Variants in ITSN1 observed in about 807,000 individuals in gnomAD.
The protein encoded by ITSN1 is intersectin-1.
ITSN1 carries 58 observed loss-of-function variants against 239.8 expected under a neutral mutation model. The observed-to-expected ratio is 0.24, with a 90% CI of 0.20 to 0.30. The LOEUF is 0.30. Ranked by LOEUF, ITSN1 falls within the 10% of genes least tolerant of loss-of-function variation. The pLI is 1.00. For missense variants in ITSN1, 1,558 were observed against 2,103.3 expected (o/e 0.74, Z 5.07); for synonymous variants, 780 against 770.8 (o/e 1.01, Z -0.20).
chr21:33,776,427 G>A (rs972857517), intron 14 of ITSN1, among the ~76,000 whole-genome samples: 3 of 151,354 alleles, frequency 2.0e-5, no homozygotes, highest in Non-Finnish European at 4.4e-5. Flanking sequence ...CTGGCATGGG[G>A]GCGTTCACCT....
intron 1 of ITSN1, among the ~76,000 whole-genome samples, chr21:33,676,761 A>G (rs2090618614): frequency 6.6e-6 from 1 of 152,254 alleles, no homozygotes; most frequent in Non-Finnish European, 1.5e-5. Context: ...GAGAAGGCTT[A>G]AAGAGTTTGC....
chr21:33,822,987 G>A (rs992345356), intron 24 of ITSN1, among the ~76,000 whole-genome samples: 3 of 152,180 alleles, frequency 2.0e-5, no homozygotes, highest in South Asian at 2.1e-4. Context: ...TAATTTATGC[G>A]AAGGATATAT....
intron 1 of ITSN1, among the ~76,000 whole-genome samples, chr21:33,710,490 T>C (rs1373880592): frequency 6.6e-6 from 1 of 152,200 alleles, no homozygotes; most frequent in Non-Finnish European, 1.5e-5. Flanking sequence ...TTACATTTTC[T>C]GAATGGTTTA....
intron 39 of ITSN1, among the ~76,000 whole-genome samples, chr21:33,886,887 A>C (rs1985884875): frequency 6.6e-6 from 1 of 152,192 alleles, no homozygotes; most frequent in South Asian, 2.1e-4. Flanking sequence ...TTTTTGTACC[A>C]CTTATTAAGT....
At chr21:33,851,986 C>T (rs918807320) in intron 29 of ITSN1, among the ~76,000 whole-genome samples, 1 of 151,848 alleles carries the variant, frequency 6.6e-6, no homozygotes, top group East Asian at 1.9e-4. Flanking sequence ...GTGTCTCTCA[C>T]TATGTTGCCC....
At chr21:33,808,446 G>A (rs916309167) in intron 20 of ITSN1, among the ~76,000 whole-genome samples, 9 of 152,006 alleles carry the variant, frequency 5.9e-5, no homozygotes, top group Non-Finnish European at 1.2e-4. Context: ...TTAGCCAGGC[G>A]TGGTGGTGGG....
chr21:33,716,788 C>T (rs2065168531), intron 1 of ITSN1, among the ~76,000 whole-genome samples: 1 of 151,562 alleles, frequency 6.6e-6, no homozygotes, highest in Non-Finnish European at 1.5e-5. Context: ...TCCATCTCTA[C>T]TAAAAATACA....
At chr21:33,840,013 T>A (rs2074769373) in intron 29 of ITSN1, among the ~76,000 whole-genome samples, 1 of 152,174 alleles carries the variant, frequency 6.6e-6, no homozygotes, top group African/African-American at 2.4e-5. Flanking sequence ...GTGGTTAATG[T>A]TCACCTGGTT....
intron 6 of ITSN1, among the ~76,000 whole-genome samples, chr21:33,751,286 C>T (rs552028598): frequency 1.3e-5 from 2 of 152,318 alleles, no homozygotes; most frequent in Admixed American, 6.5e-5. Flanking sequence ...CATTTGCCAT[C>T]AGGCAAGAGT....
intron 1 of ITSN1, among the ~76,000 whole-genome samples, chr21:33,711,652 TTGTGTGTGTGTGTGTGTGTG>T (rs58696981): frequency 5.2e-5 from 7 of 134,792 alleles, no homozygotes; most frequent in Non-Finnish European, 1.2e-4. Flanking sequence ...TTTCTGTGTG[TTGTGTGTGTGTGTGTGTGTG>T]TGTGTGTGTG....
At chr21:33,702,835 T>C (rs2146836955) in intron 1 of ITSN1, among the ~76,000 whole-genome samples, 1 of 152,286 alleles carries the variant, frequency 6.6e-6, no homozygotes, top group South Asian at 2.1e-4. Context: ...CCTAGCACTT[T>C]GGGAGGCTGA....
chr21:33,777,249 C>A (rs1200305878), intron 14 of ITSN1, among the ~76,000 whole-genome samples: 1 of 152,070 alleles, frequency 6.6e-6, no homozygotes, highest in Non-Finnish European at 1.5e-5. Context: ...CATTGAGTTA[C>A]CTTGGTAGCT....
chr21:33,643,548 T>G (rs1014262684), intron 1 of ITSN1: 28 of 152,048 alleles, frequency 1.8e-4, no homozygotes, highest in African/African-American at 6.5e-4. Flanking sequence ...GGGCAATCTT[T>G]TGTTGTGATT....
chr21:33,720,137 G>T (rs1370528383), intron 2 of ITSN1, among the ~76,000 whole-genome samples: 1 of 152,136 alleles, frequency 6.6e-6, no homozygotes, highest in Non-Finnish European at 1.5e-5. Flanking sequence ...ATTTCTTCTA[G>T]AAGTTGCAGA....
At chr21:33,660,804 C>T (rs566500978) in intron 1 of ITSN1, among the ~76,000 whole-genome samples, 12 of 152,074 alleles carry the variant, frequency 7.9e-5, no homozygotes, top group Non-Finnish European at 1.6e-4. Flanking sequence ...AACTTTTTAT[C>T]CTCTGTTACA....
At chr21:33,834,691 G>A (rs552295350) in intron 28 of ITSN1, among the ~76,000 whole-genome samples, 1 of 152,242 alleles carries the variant, frequency 6.6e-6, no homozygotes, top group African/African-American at 2.4e-5. Context: ...TGGCATTAAG[G>A]CCACATTTTC....
At chr21:33,732,054 G>A (rs1241600698) in intron 4 of ITSN1, among the ~76,000 whole-genome samples, 1 of 152,178 alleles carries the variant, frequency 6.6e-6, no homozygotes, top group Non-Finnish European at 1.5e-5. Context: ...CAGGTCATAC[G>A]TGGATTCAAG....
intron 1 of ITSN1, among the ~76,000 whole-genome samples, chr21:33,703,841 A>G (rs1206484193): frequency 6.6e-6 from 1 of 152,078 alleles, no homozygotes; most frequent in East Asian, 1.9e-4. Context: ...GACTGTGCCT[A>G]TTTGCCTACT....
rs563403672 is a variant in ITSN1 at position 33,851,815 on chromosome 21, G to A, written c.3662-4921G>A. Among the ~76,000 whole-genome samples the A allele has an allele frequency of 1.0e-4, 11 of 106,794 alleles. No individual in the cohort carries two copies. In the East Asian group the frequency reaches 1.3e-3, roughly 12 times the overall value. 70.1% of individuals were successfully genotyped at this position (106,794 alleles called of 152,430 possible). A position where few individuals can be genotyped will look rare whatever the true frequency, so the allele number is the denominator to read the frequency against. ...TTTTTTTTTCCTGAGACAGGTGCTC[G>A]CTCTGTTGCCCAGGCTGGAGTGCAG... is the stretch of plus-strand genomic sequence containing the variant. On this transcript the variant is annotated intron_variant, in intron 29 of 39. Coordinates refer to ENST00000381318, the MANE Select transcript of ITSN1 (RefSeq NM_003024.3).
Sources: gnomAD v4.1 joint callset for allele counts (sites outside exome capture counted in the v4.1 genomes callset) on GRCh38, gnomAD v4.1.1 for gene constraint, MANE v1.5 for transcripts, NCBI Gene and HGNC (gene_info 2026-07-23, HGNC 2026-07-21) for gene names.